BCAR3: variants seen among roughly 807,000 people sequenced by gnomAD.
BCAR3 encodes BCAR3 adaptor protein, NSP family member.
BCAR3 carries 37 observed loss-of-function variants against 80.1 expected under a neutral mutation model. The observed-to-expected ratio is 0.46, with a 90% CI of 0.36 to 0.61. The LOEUF is 0.61. BCAR3 is among the 20% of genes least tolerant of loss of function. BCAR3 has a pLI of 0.00. For synonymous variants in BCAR3, 389 were observed against 418.9 expected (o/e 0.93, Z 0.87); for missense variants, 978 against 1,068.2 (o/e 0.92, Z 1.18).
At chr1:93,565,798 G>A (rs1295815200) in intron 11 of BCAR3, among the ~76,000 whole-genome samples, 1 of 152,142 alleles carries the variant, frequency 6.6e-6, no homozygotes, top group African/African-American at 2.4e-5. Context: ...CCCACATCTG[G>A]TTCTGAGGCA....
At chr1:93,607,537 C>A (rs1274332562) in intron 3 of BCAR3, among the ~76,000 whole-genome samples, 5 of 151,880 alleles carry the variant, frequency 3.3e-5, no homozygotes, top group African/African-American at 1.2e-4. Context: ...CAAACTCATC[C>A]CACACATAGA....
chr1:93,825,170 A>T (rs1654335407), intron 2 of BCAR3, among the ~76,000 whole-genome samples: 1 of 133,746 alleles, frequency 7.5e-6, no homozygotes, highest in Non-Finnish European at 1.7e-5. Context: ...ACAGTAATAC[A>T]TGATACAATA....
intron 2 of BCAR3, among the ~76,000 whole-genome samples, chr1:93,769,006 T>C (rs1652255743): frequency 6.6e-6 from 1 of 152,194 alleles, no homozygotes; most frequent in Admixed American, 6.5e-5. Context: ...TGTCGCCCTT[T>C]GTCCCCAAGG....
At chr1:93,617,997 C>T (rs1675191142) in intron 3 of BCAR3, among the ~76,000 whole-genome samples, 1 of 152,240 alleles carries the variant, frequency 6.6e-6, no homozygotes, top group Admixed American at 6.5e-5. Context: ...CACACCTTCC[C>T]ACAAAGAGCC....
intron 9 of BCAR3, among the ~76,000 whole-genome samples, chr1:93,570,413 C>G (rs1439304810): frequency 6.6e-6 from 1 of 152,156 alleles, no homozygotes; most frequent in African/African-American, 2.4e-5. Context: ...TCAAGTCCTC[C>G]AAGCATCCAG....
intron 2 of BCAR3, among the ~76,000 whole-genome samples, chr1:93,807,457 A>C (rs1192226935): frequency 6.6e-6 from 1 of 152,224 alleles, no homozygotes; most frequent in Non-Finnish European, 1.5e-5. Flanking sequence ...ATGAATGAGC[A>C]CAAAGAACAA....
chr1:93,666,049 C>A (rs1647896856), intron 2 of BCAR3, among the ~76,000 whole-genome samples: 1 of 152,200 alleles, frequency 6.6e-6, no homozygotes, highest in African/African-American at 2.4e-5. Context: ...CTTTTACAAC[C>A]ACCTCCTGCC....
At chr1:93,605,839 T>C (rs570543028) in intron 3 of BCAR3, among the ~76,000 whole-genome samples, 5 of 152,300 alleles carry the variant, frequency 3.3e-5, no homozygotes, top group East Asian at 3.9e-4. Context: ...TGCACCGTAG[T>C]TGAAAGACAC....
Position 93,801,630 on chromosome 1 carries a change from A to T in BCAR3, c.-63+43937T>A, listed in dbSNP as rs1168009765. On this transcript the variant is annotated intron_variant, in intron 2 of 13. Coordinates refer to the BCAR3 transcript ENST00000370244. ...TAGGCTAAATGGTTTGTCAGTTCTCAAGCTTTTGCTTGGTCTGCAGCTGTT... is the reference window on the plus strand; with the variant it reads ...TAGGCTAAATGGTTTGTCAGTTCTCTAGCTTTTGCTTGGTCTGCAGCTGTT... Among the ~76,000 whole-genome samples, 3 of 152,194 alleles carry T rather than the reference A, an allele frequency of 2.0e-5. No homozygotes were observed. In the East Asian group the frequency reaches 5.8e-4, roughly 29 times the overall value.
intron 2 of BCAR3, among the ~76,000 whole-genome samples, chr1:93,822,879 G>A (rs1156300632): frequency 1.3e-5 from 1 of 79,848 alleles, no homozygotes; most frequent in African/African-American, 3.2e-5. Flanking sequence ...TGTAGATCAG[G>A]AAATTTGCTC....
At position 93,718,378 on chromosome 1, in the gene BCAR3, T is replaced by C. The variant is rs149816848; in HGVS notation, c.-62-12236A>G. The stretch of plus-strand genomic sequence containing the variant: ...CTAATGCAGCAGGGTGAGAAAGCGC[T>C]GGCATGTGGTGCAGAGGGAGGCTGC... On this transcript the variant is annotated intron_variant, in intron 2 of 13. Transcript: ENST00000370244. Among the ~76,000 whole-genome samples the C allele has an allele frequency of 4.0e-3, 605 of 152,282 alleles. 10 individuals carry two copies. The highest frequency in any genetic ancestry group is 0.036 in the South Asian group (173 of 4,828).
intron 2 of BCAR3, among the ~76,000 whole-genome samples, chr1:93,728,736 G>A (rs1440495720): frequency 6.6e-6 from 1 of 152,076 alleles, no homozygotes; most frequent in Non-Finnish European, 1.5e-5. Context: ...TTCCCTCGAC[G>A]TCCTCTTGAC....
intron 2 of BCAR3, among the ~76,000 whole-genome samples, chr1:93,736,778 G>A (rs181688150): frequency 2.0e-5 from 3 of 152,158 alleles, no homozygotes; most frequent in African/African-American, 7.2e-5. Context: ...AAAATTCCCA[G>A]GAAAAGTAGG....
At chr1:93,770,064 C>T (rs928492732) in intron 2 of BCAR3, among the ~76,000 whole-genome samples, 2 of 152,148 alleles carry the variant, frequency 1.3e-5, no homozygotes, top group African/African-American at 4.8e-5. Context: ...ACTGTCTGGG[C>T]TTATGAGACA....
intron 2 of BCAR3, among the ~76,000 whole-genome samples, chr1:93,663,961 G>A (rs961573299): frequency 6.6e-6 from 1 of 152,124 alleles, no homozygotes; most frequent in Non-Finnish European, 1.5e-5. Flanking sequence ...TGAGGCCATG[G>A]GATTGTGTTT....
intron 2 of BCAR3, among the ~76,000 whole-genome samples, chr1:93,768,492 G>A (rs1336546894): frequency 6.6e-6 from 1 of 152,168 alleles, no homozygotes. Context: ...GTCTGTGGGA[G>A]GATGCCAGGA....
At chr1:93,819,396 AATTGATACTTC>A (rs1426780975) in intron 2 of BCAR3, among the ~76,000 whole-genome samples, 1 of 152,148 alleles carries the variant, frequency 6.6e-6, no homozygotes, top group African/African-American at 2.4e-5. Flanking sequence ...TTTGCTAACC[AATTGATACTTC>A]GGGAGCACCT....
rs776696865 is a variant in BCAR3 at position 93,571,742 on chromosome 1, C to T, written c.1902G>A (p.Ala634=). 1.4e-5 allele frequency: 23 copies of T among 1,614,014 alleles called. No homozygotes were observed. Among genetic ancestry groups the T allele is most frequent in the South Asian group, 1.3e-4 (12 of 91,072 alleles). ...CCCCCATGGAATCCTTCAGTTCCAC[C>T]GCCACCTGGATGATCTTACTCAGAG... ...AATLSKIIQV[A]VELKDSMGDL... The change falls in exon 9 of 12, where the codon GCG becomes GCA. Residue 634 remains alanine (A), a synonymous_variant. Coordinates refer to ENST00000260502, the MANE Select transcript of BCAR3 (RefSeq NM_003567.4).
intron 8 of BCAR3, among the ~76,000 whole-genome samples, chr1:93,573,621 A>T (rs1232505384): frequency 0.14 from 18,451 of 135,280 alleles, 1,741 homozygotes; most frequent in Non-Finnish European, 0.17. Context: ...TATTATTATT[A>T]TTATTATTAT....
Sources: gnomAD v4.1 joint callset for allele counts (sites outside exome capture counted in the v4.1 genomes callset) on GRCh38, gnomAD v4.1.1 for gene constraint, MANE v1.5 for transcripts, NCBI Gene and HGNC (gene_info 2026-07-23, HGNC 2026-07-21) for gene names.